Variants in PTPN2 observed in about 807,000 individuals in gnomAD.
The protein encoded by PTPN2 is protein tyrosine phosphatase non-receptor type 2, also known as tyrosine-protein phosphatase non-receptor type 2.
Under a neutral mutation model 57.3 loss-of-function variants are expected in PTPN2, and 19 were observed. The ratio of observed to expected loss-of-function variants is 0.33; its 90% confidence interval spans 0.23 to 0.49. The LOEUF (loss-of-function observed/expected upper bound fraction) is 0.49, where lower values mean the gene tolerates loss of function less well. Ranked by LOEUF, PTPN2 falls within the 20% of genes least tolerant of loss-of-function variation. The pLI, the probability that PTPN2 is intolerant of heterozygous loss-of-function variation, is 0.99. For missense variants in PTPN2, 358 were observed against 501.1 expected (o/e 0.71, Z 2.73); for synonymous variants, 153 against 164.9 (o/e 0.93, Z 0.55).
intron 1 of PTPN2, among the ~76,000 whole-genome samples, chr18:12,879,011 C>T (rs1412083194): frequency 1.3e-5 from 2 of 152,128 alleles, no homozygotes; most frequent in East Asian, 1.9e-4. Flanking sequence ...CAAAGCTCAG[C>T]CTGATGAAGA....
intron 7 of PTPN2, among the ~76,000 whole-genome samples, chr18:12,804,535 A>G (rs2041567818): frequency 6.6e-6 from 1 of 151,916 alleles, no homozygotes; most frequent in South Asian, 2.1e-4. Flanking sequence ...AAAAGACTCA[A>G]ATCAGAGATG....
In PTPN2 at chr18:12,824,919, C is replaced by A. The variant is rs142826552; in HGVS notation, c.495+891G>T. On this transcript the variant is annotated intron_variant, in intron 5 of 8. Transcript: ENST00000309660. ...TGGATAACAAGGCAAGACCCCATCT[C>A]TATTAAAAAAAAATAAGAAAATTAG... Among the ~76,000 whole-genome samples, 10 of 151,952 alleles carry A rather than the reference C, an allele frequency of 6.6e-5. No homozygotes were observed. In the East Asian group the frequency reaches 1.9e-3, roughly 29 times the overall value.
intron 2 of PTPN2, among the ~76,000 whole-genome samples, chr18:12,850,881 A>G (rs934410395): frequency 2.0e-5 from 3 of 152,090 alleles, no homozygotes; most frequent in Non-Finnish European, 4.4e-5. Context: ...CTGAGATTAC[A>G]GGCATGCACC....
In PTPN2 at chr18:12,793,866, G is replaced by A. The variant is rs1568073739; in HGVS notation, c.*412C>T. 1.2e-5 allele frequency: 12 copies of A among 1,038,398 alleles called. No individual in the cohort carries two copies. The highest frequency in any genetic ancestry group is 1.4e-5 in the Non-Finnish European group (12 of 859,246). The allele number at this position is 1,038,398 out of a possible 1,614,324, so 64.3% of individuals were successfully genotyped here. On this transcript the variant is annotated 3_prime_UTR_variant, in exon 9 of 9. Transcript: ENST00000309660. ...TATACATTACACACATTATTTAAAT[G>A]TCATTTTCTTTCCAATAACGTAGAT...
rs569963721 is a variant in PTPN2 at position 12,844,143 on chromosome 18, T to G, written c.161-7252A>C. The stretch of plus-strand genomic sequence containing the variant: ...TCTTCCTTTTTATTGCTGAGTAGTA[T>G]TCTGTGTTATGAATATACCATAGTT... On this transcript the variant is annotated intron_variant, in intron 2 of 8. Transcript: ENST00000309660. Among the ~76,000 whole-genome samples the G allele has an allele frequency of 4.6e-5, 7 of 152,374 alleles. No individual in the cohort carries two copies. In the South Asian group the frequency reaches 1.2e-3, roughly 27 times the overall value.
In PTPN2 at chr18:12,884,212, G is replaced by T. The variant is rs1413232812; in HGVS notation, c.-71C>A. 7.1e-6 allele frequency: 9 copies of T among 1,272,948 alleles called. No individual in the cohort carries two copies. The highest frequency in any genetic ancestry group is 9.5e-6 in the Non-Finnish European group (9 of 950,902). The allele number at this position is 1,272,948 out of a possible 1,614,324, so 78.9% of individuals were successfully genotyped here. On this transcript the variant is annotated 5_prime_UTR_variant, in exon 1 of 9. Transcript: ENST00000309660. ...AGGCTCAGGCCCCGCACGATCCGGG[G>T]AGAGCGCTGGCGCTGCGGCGCATGC...
chr18:12,871,289 T>C (rs2044261475), intron 1 of PTPN2, among the ~76,000 whole-genome samples: 1 of 152,206 alleles, frequency 6.6e-6, no homozygotes, highest in African/African-American at 2.4e-5. Flanking sequence ...TATCAATGTA[T>C]ACTGTCACCA....
intron 2 of PTPN2, among the ~76,000 whole-genome samples, chr18:12,841,661 G>C (rs1472905689): frequency 6.6e-6 from 1 of 152,158 alleles, no homozygotes; most frequent in Non-Finnish European, 1.5e-5. Flanking sequence ...AACCCATCAT[G>C]ATTTCAAGAT....
chr18:12,876,095 C>T (rs117712649), intron 1 of PTPN2, among the ~76,000 whole-genome samples: 2,176 of 152,008 alleles, frequency 0.014, 63 homozygotes, highest in Admixed American at 0.074. Flanking sequence ...TGCAGTGAGC[C>T]GTGATCTCAT....
intron 7 of PTPN2, among the ~76,000 whole-genome samples, chr18:12,802,840 G>C (rs2041483605): frequency 6.6e-6 from 1 of 152,168 alleles, no homozygotes; most frequent in African/African-American, 2.4e-5. Context: ...CACTAGACTA[G>C]CCTTACAAGA....
chr18:12,810,313 G>A (rs181696571), intron 7 of PTPN2, among the ~76,000 whole-genome samples: 54 of 151,858 alleles, frequency 3.6e-4, no homozygotes, highest in Non-Finnish European at 6.5e-4. Context: ...GCAGTGAGCC[G>A]AGATCACGCC....
intron 2 of PTPN2, among the ~76,000 whole-genome samples, chr18:12,847,540 C>G (rs1287193315): frequency 6.6e-6 from 1 of 152,084 alleles, no homozygotes; most frequent in African/African-American, 2.4e-5. Context: ...TGGAACCACT[C>G]CAGTGCATCA....
At chr18:12,850,695 C>G (rs963828732) in intron 2 of PTPN2, among the ~76,000 whole-genome samples, 1 of 151,722 alleles carries the variant, frequency 6.6e-6, no homozygotes, top group East Asian at 1.9e-4. Flanking sequence ...TATTAATAAC[C>G]TATATTTTAA....
chr18:12,819,529 G>C (rs2042199621), intron 5 of PTPN2, among the ~76,000 whole-genome samples: 1 of 152,008 alleles, frequency 6.6e-6, no homozygotes, highest in Non-Finnish European at 1.5e-5. Flanking sequence ...GAACATCTGG[G>C]GCAGGGGAGA....
chr18:12,876,990 G>GT (rs1191157007), intron 1 of PTPN2, among the ~76,000 whole-genome samples: 1 of 152,214 alleles, frequency 6.6e-6, no homozygotes, highest in Non-Finnish European at 1.5e-5. Flanking sequence ...AATTAGGGCA[G>GT]TGCTGAAACG....
At chr18:12,874,394 T>G (rs1157043150) in intron 1 of PTPN2, among the ~76,000 whole-genome samples, 2 of 131,212 alleles carry the variant, frequency 1.5e-5, no homozygotes, top group Non-Finnish European at 3.2e-5. Context: ...AGGAGCCCCT[T>G]CCGGGAGGGA....
chr18:12,805,108 C>G (rs890469295), intron 7 of PTPN2, among the ~76,000 whole-genome samples: 1 of 152,140 alleles, frequency 6.6e-6, no homozygotes, highest in Non-Finnish European at 1.5e-5. Flanking sequence ...TCAACAGAAT[C>G]AAGGACAAGA....
intron 1 of PTPN2, among the ~76,000 whole-genome samples, chr18:12,866,906 G>C (rs1183888075): frequency 6.6e-6 from 1 of 152,002 alleles, no homozygotes; most frequent in African/African-American, 2.4e-5. Flanking sequence ...TCGGGACACT[G>C]AGGCAGGAGA....
intron 8 of PTPN2, among the ~76,000 whole-genome samples, chr18:12,796,958 C>A (rs2041212975): frequency 6.6e-6 from 1 of 152,166 alleles, no homozygotes; most frequent in Non-Finnish European, 1.5e-5. Flanking sequence ...CTTTGTTCAT[C>A]TTATGGTGCT....
Sources: allele counts gnomAD v4.1 joint callset (sites outside exome capture counted in the v4.1 genomes callset), GRCh38; gene constraint gnomAD v4.1.1; transcripts MANE v1.5; gene names NCBI Gene and HGNC (gene_info 2026-07-23, HGNC 2026-07-21).